The following FBXO22 variants were observed in gnomAD, a reference collection of about 807,000 sequenced individuals.
The protein encoded by FBXO22 is F-box protein 22, also known as F-box only protein 22.
In FBXO22, 13 loss-of-function variants were observed where a neutral mutation model predicts 37.2. That is an observed-to-expected ratio of 0.35 (90% CI 0.23 to 0.56). The LOEUF (loss-of-function observed/expected upper bound fraction) is 0.56. Among genes scored for constraint, FBXO22 ranks in the 20% least tolerant of loss-of-function variants. The probability of loss-of-function intolerance (pLI) is 0.87; values close to 1 mark genes in which losing one functional copy is unlikely to be tolerated. For missense variants in FBXO22, 446 were observed against 509.9 expected (o/e 0.87, Z 1.21); for synonymous variants, 189 against 189.1 (o/e 1.00, Z 0.00).
At chr15:75,931,333 C>T (rs2030001737) in intron 6 of FBXO22, among the ~76,000 whole-genome samples, 1 of 152,032 alleles carries the variant, frequency 6.6e-6, no homozygotes, top group African/African-American at 2.4e-5. Flanking sequence ...GGTCTTCATA[C>T]TCTGTCAGTG....
chr15:75,930,217 G>A (rs2029965421), intron 6 of FBXO22, 168 bp downstream of exon 6: 2 of 1,443,292 alleles, frequency 1.4e-6, no homozygotes, highest in Non-Finnish European at 1.8e-6. Flanking sequence ...ACATAATTCT[G>A]CTTACGGTTG....
Position 75,934,573 on chromosome 15 carries a change from AT to A in FBXO22, c.*1474del, listed in dbSNP as rs1227956231. ...AAACTGAAAATATTTTTCTCTTGCT[AT>A]TTATATATATATGATAAAAATGCTT... is the stretch of plus-strand genomic sequence containing the variant. On this transcript the variant is annotated 3_prime_UTR_variant, in exon 7 of 7. Coordinates refer to ENST00000308275, the MANE Select transcript of FBXO22 (RefSeq NM_147188.3). The A allele has an allele frequency of 1.3e-5, 2 of 151,994 alleles. No homozygotes were observed. The highest frequency in any genetic ancestry group is 1.9e-4 in the East Asian group (1 of 5,194). The allele number at this position is 151,994 out of a possible 1,614,324, so 9.4% of individuals were successfully genotyped here.
chr15:75,933,675 T>TAATC lies in FBXO22; in HGVS notation c.*575_*578dup, dbSNP rs906405056. 1 of 231,454 alleles carries TAATC rather than the reference T, an allele frequency of 4.3e-6. No individual in the cohort carries two copies. Among genetic ancestry groups the TAATC allele is most frequent in the African/African-American group, 2.4e-5 (1 of 42,252 alleles). The allele number at this position is 231,454 out of a possible 1,614,324, so 14.3% of individuals were successfully genotyped here. On this transcript the variant is annotated 3_prime_UTR_variant, in exon 7 of 7. Transcript: ENST00000308275. ...TTTTGGTCAGATAAATTGACAAGACTAATCAGTATTTTATTATAAGTAAAA... is the reference window on the plus strand; with the variant it reads ...TTTTGGTCAGATAAATTGACAAGACTAATCAATCAGTATTTTATTATAAGTAAAA...
Position 75,932,940 on chromosome 15 carries a change from T to A in FBXO22, c.1050T>A (p.Pro350=). ...VEADAFRKFF[P]SVPLFGFFGN... is the part of the protein sequence containing the mutation. ...CTGATGCATTTAGAAAGTTTTTTCC[T>A]AGTGTTCCCTTATTCGGCTTCTTTG... Residue 350 remains proline, a synonymous_variant, in exon 7 of 7, where the codon CCT becomes CCA. Transcript: ENST00000308275. 1 of 1,614,256 alleles carries A rather than the reference T, an allele frequency of 6.2e-7. No homozygotes were observed. The highest frequency in any genetic ancestry group is 8.5e-7 in the Non-Finnish European group (1 of 1,180,048).
At chr15:75,915,117 G>A (rs950879184) in intron 4 of FBXO22, among the ~76,000 whole-genome samples, 1 of 152,008 alleles carries the variant, frequency 6.6e-6, no homozygotes, top group East Asian at 1.9e-4. Flanking sequence ...ACAGGCGCCC[G>A]CCACCACCAC....
chr15:75,924,267 A>G (rs986457822), intron 5 of FBXO22, among the ~76,000 whole-genome samples: 9 of 152,272 alleles, frequency 5.9e-5, no homozygotes, highest in African/African-American at 1.7e-4. Flanking sequence ...TTGATTGTCC[A>G]GGGTTGGTAC....
chr15:75,929,514 G>GTTTTTT (rs35139316), intron 5 of FBXO22, among the ~76,000 whole-genome samples: 2 of 142,606 alleles, frequency 1.4e-5, no homozygotes, highest in Non-Finnish European at 3.1e-5. Flanking sequence ...GTAAACCAGT[G>GTTTTTT]TTTTTTTTTT....
At chr15:75,904,352 G>A in intron 1 of FBXO22, 139 bp from the exon 2 acceptor site, 11 of 1,315,256 alleles carry the variant, frequency 8.4e-6, no homozygotes, top group Non-Finnish European at 1.1e-5. Flanking sequence ...CTAGCGCCCT[G>A]ACTGACACCT....
Position 75,933,711 on chromosome 15 carries a change from C to A in FBXO22, c.*609C>A. 1 of 297,746 alleles carries A rather than the reference C, an allele frequency of 3.4e-6. No individual in the cohort carries two copies. The highest frequency in any genetic ancestry group is 2.9e-5 in the South Asian group (1 of 34,518). 18.4% of individuals were successfully genotyped at this position (297,746 alleles called of 1,614,324 possible). ...TTATTATAAGTAAAAGATTTTTCTTCTTTCCTTAAAAATATTTTTTTTTCA... is the reference window on the plus strand; with the variant it reads ...TTATTATAAGTAAAAGATTTTTCTTATTTCCTTAAAAATATTTTTTTTTCA... On this transcript the variant is annotated 3_prime_UTR_variant, in exon 7 of 7. Coordinates refer to ENST00000308275, the MANE Select transcript of FBXO22 (RefSeq NM_147188.3).
chr15:75,912,315 T>G (rs1329303045), intron 2 of FBXO22, among the ~76,000 whole-genome samples: 3 of 152,194 alleles, frequency 2.0e-5, no homozygotes, highest in Non-Finnish European at 4.4e-5. Flanking sequence ...CCTCTTTTTC[T>G]GTTGTTTGGA....
rs544151947 is a variant in FBXO22 at position 75,937,004 on chromosome 15, A to T, written c.*3902A>T. ...AATATATTTATTAATGTTGCTTTTA[A>T]ATGCAAATTATCAGATTGAGGAGAA... On this transcript the variant is annotated 3_prime_UTR_variant, in exon 7 of 7. Coordinates refer to ENST00000308275, the MANE Select transcript of FBXO22 (RefSeq NM_147188.3). The T allele has an allele frequency of 6.6e-6, 1 of 152,168 alleles. No individual in the cohort carries two copies. Among genetic ancestry groups the T allele is most frequent in the African/African-American group, 2.4e-5 (1 of 41,438 alleles). 9.4% of individuals were successfully genotyped at this position (152,168 alleles called of 1,614,324 possible).
chr15:75,917,306 T>G lies in FBXO22; in HGVS notation c.540T>G (p.Pro180=). Residue 180 remains proline, a synonymous_variant, in exon 5 of 7, where the codon CCT becomes CCG. Transcript: ENST00000308275. The part of the protein sequence containing the change: ...IGESGFALLF[P]QIEGIKIQPF... Reference sequence around the variant, plus strand: ...AATCTGGTTTTGCTTTATTATTCCCTCAAATTGAAGGAATAAAAATACAAC... The same window carrying G: ...AATCTGGTTTTGCTTTATTATTCCCGCAAATTGAAGGAATAAAAATACAAC... 2 of 1,611,334 alleles carry G rather than the reference T, an allele frequency of 1.2e-6. No individual in the cohort carries two copies. Among genetic ancestry groups the G allele is most frequent in the Non-Finnish European group, 1.7e-6 (2 of 1,177,908 alleles).
chr15:75,919,959 T>C (rs1362699372), intron 5 of FBXO22, among the ~76,000 whole-genome samples: 1 of 152,204 alleles, frequency 6.6e-6, no homozygotes, highest in African/African-American at 2.4e-5. Flanking sequence ...ATGAGGAAAC[T>C]GAACTTTAAT....
At chr15:75,916,372 G>A (rs1900190048) in intron 4 of FBXO22, among the ~76,000 whole-genome samples, 1 of 152,136 alleles carries the variant, frequency 6.6e-6, no homozygotes, top group South Asian at 2.1e-4. Flanking sequence ...GATCGGGGAT[G>A]GTCTCTCTGA....
chr15:75,917,160 T>C, intron 4 of FBXO22, 70 bp from the exon 5 acceptor site: 1 of 1,134,802 alleles, frequency 8.8e-7, no homozygotes, highest in South Asian at 1.4e-5. Flanking sequence ...ATGATTATCT[T>C]AGTGACCTAA....
chr15:75,905,233 A>G (rs889728229), intron 2 of FBXO22, among the ~76,000 whole-genome samples: 4 of 152,222 alleles, frequency 2.6e-5, no homozygotes, highest in African/African-American at 4.8e-5. Context: ...TTTACCGGGA[A>G]GACAACTGGG....
Position 75,938,804 on chromosome 15 carries a change from G to A in FBXO22, c.*5702G>A, listed in dbSNP as rs1230004070. The A allele has an allele frequency of 6.6e-6, 1 of 152,160 alleles. No homozygotes were observed. The highest frequency in any genetic ancestry group is 1.5e-5 in the Non-Finnish European group (1 of 68,032). The allele number at this position is 152,160 out of a possible 1,614,324, so 9.4% of individuals were successfully genotyped here. A position where few individuals can be genotyped will look rare whatever the true frequency, so the allele number is the denominator to read the frequency against. ...GTGCATTTTTGAACCACAACAGGAT[G>A]TAGTTAGAAATCAGTAACAAAAGGA... is the stretch of plus-strand genomic sequence containing the variant. On this transcript the variant is annotated 3_prime_UTR_variant, in exon 7 of 7. Transcript: ENST00000308275.
At chr15:75,908,260 G>T (rs1426389935) in intron 2 of FBXO22, among the ~76,000 whole-genome samples, 1 of 150,602 alleles carries the variant, frequency 6.6e-6, no homozygotes, top group African/African-American at 2.4e-5. Context: ...ACCTAAATCT[G>T]TTTTTTGTTT....
At chr15:75,915,161 G>A (rs983678898) in intron 4 of FBXO22, among the ~76,000 whole-genome samples, 4 of 151,992 alleles carry the variant, frequency 2.6e-5, no homozygotes, top group East Asian at 1.9e-4. Context: ...AGTAGAAACC[G>A]GGTTTCACCA....
Sources: allele counts gnomAD v4.1 joint callset (sites outside exome capture counted in the v4.1 genomes callset), GRCh38; gene constraint gnomAD v4.1.1; transcripts MANE v1.5; gene names NCBI Gene and HGNC (gene_info 2026-07-23, HGNC 2026-07-21).